Variants in MASP2 observed in about 807,000 individuals in gnomAD.
The protein encoded by MASP2 is MBL associated serine protease 2.
In MASP2, 49 loss-of-function variants were observed where a neutral mutation model predicts 57.1. The observed-to-expected ratio is 0.86, with a 90% CI of 0.68 to 1.09. MASP2 has a LOEUF of 1.09. MASP2 is among the 50% of genes least tolerant of loss of function. The pLI, the probability that MASP2 is intolerant of heterozygous loss-of-function variation, is 0.00. For synonymous variants in MASP2, 379 were observed against 340.8 expected (o/e 1.11, Z -1.24); for missense variants, 900 against 874.8 (o/e 1.03, Z -0.36).
chr1:11,031,307 A>G (rs1214677917), intron 8 of MASP2, among the ~76,000 whole-genome samples: 1 of 151,838 alleles, frequency 6.6e-6, no homozygotes, highest in Non-Finnish European at 1.5e-5. Context: ...GCAGATCACA[A>G]GGTCAGGAGA....
chr1:11,033,965 A>T (rs12072841), intron 8 of MASP2, among the ~76,000 whole-genome samples: 1,533 of 15,330 alleles, frequency 0.1, 12 homozygotes, highest in African/African-American at 0.16. Flanking sequence ...ACACACACAC[A>T]CTCTCTCTCT....
At chr1:11,045,256 G>A (rs1040277486) in intron 4 of MASP2, 152 bp downstream of exon 4, 2 of 1,138,542 alleles carry the variant, frequency 1.8e-6, no homozygotes, top group African/African-American at 3.0e-5. Flanking sequence ...GGGGAAGCAG[G>A]GCTGAGAAGG....
rs116311214 is a variant in MASP2 at position 11,026,696 on chromosome 1, C to T, written c.*189G>A. ...TCTCGTGGTTTATGTCCCCTTGAGT[C>T]AATGGGTAAGGCTGGAATTAAACTG... On this transcript the variant is annotated 3_prime_UTR_variant, in exon 11 of 11. Transcript: ENST00000400897. 1,000 of 434,614 alleles carry T rather than the reference C, an allele frequency of 2.3e-3. 12 individuals carry two copies. Among genetic ancestry groups the T allele is most frequent in the African/African-American group, 0.018 (897 of 48,888 alleles). The allele number at this position is 434,614 out of a possible 1,614,324, so 26.9% of individuals were successfully genotyped here. A position where few individuals can be genotyped will look rare whatever the true frequency, so the allele number is the denominator to read the frequency against.
In MASP2 at chr1:11,030,537, T is replaced by G. The variant is rs573639567; in HGVS notation, c.1222+211A>C. On this transcript the variant is annotated intron_variant, in intron 9 of 10. Transcript: ENST00000400897. ...AAACCATTTGGAATACATTGTGTGTTTGTAGTAGTCATTTACTAGATCTGT... is the reference window on the plus strand; with the variant it reads ...AAACCATTTGGAATACATTGTGTGTGTGTAGTAGTCATTTACTAGATCTGT... 151 of 585,728 alleles carry G rather than the reference T, an allele frequency of 2.6e-4. 2 individuals carry two copies. In the South Asian group the frequency reaches 3.2e-3, roughly 13 times the overall value. The allele number at this position is 585,728 out of a possible 1,614,324, so 36.3% of individuals were successfully genotyped here.
At chr1:11,029,962 C>T (rs1643814302) in intron 10 of MASP2, 1 of 461,564 alleles carries the variant, frequency 2.2e-6, no homozygotes, top group Non-Finnish European at 3.8e-6. Flanking sequence ...GTTATAAGGT[C>T]AAAGAGAATC....
At chr1:11,039,330 G>GTGGA (rs57562185) in intron 6 of MASP2, among the ~76,000 whole-genome samples, 683 of 147,004 alleles carry the variant, frequency 4.6e-3, no homozygotes, top group Non-Finnish European at 6.6e-3. Context: ...TGGAAGGATG[G>GTGGA]TGGATGGATG....
chr1:11,029,247 G>A (rs938832425), intron 10 of MASP2, among the ~76,000 whole-genome samples: 6 of 150,954 alleles, frequency 4.0e-5, no homozygotes. Context: ...TGATCTTTCC[G>A]CCTTGGCCTC....
At chr1:11,031,105 G>A (rs1190458515) in intron 8 of MASP2, among the ~76,000 whole-genome samples, 1 of 151,968 alleles carries the variant, frequency 6.6e-6, no homozygotes, top group African/African-American at 2.4e-5. Context: ...AGGCTGAGGT[G>A]GGAGGTAACT....
intron 3 of MASP2, 128 bp from the exon 4 acceptor site, chr1:11,045,667 G>T (rs754203773): frequency 2.8e-6 from 3 of 1,088,130 alleles, no homozygotes; most frequent in Non-Finnish European, 3.9e-6. Context: ...CTAGGGTGCG[G>T]GACTGGTGCC....
intron 7 of MASP2, among the ~76,000 whole-genome samples, chr1:11,035,131 G>A (rs190755882): frequency 5.9e-5 from 9 of 152,238 alleles, no homozygotes; most frequent in Non-Finnish European, 1.0e-4. Context: ...CCTAGGTTAC[G>A]TATTTCATCA....
intron 4 of MASP2, among the ~76,000 whole-genome samples, chr1:11,044,566 T>C (rs918717735): frequency 3.3e-5 from 5 of 151,888 alleles, no homozygotes; most frequent in African/African-American, 1.2e-4. Flanking sequence ...ATGGGGGTGG[T>C]TCAAGATTAC....
rs1643740166 is a variant in MASP2 at position 11,026,809 on chromosome 1, T to A, written c.*76A>T. 7.7e-7 allele frequency: 1 copy of A among 1,302,326 alleles called. No individual in the cohort carries two copies. The highest frequency in any genetic ancestry group is 1.5e-5 in the African/African-American group (1 of 65,916). The allele number at this position is 1,302,326 out of a possible 1,614,324, so 80.7% of individuals were successfully genotyped here. On this transcript the variant is annotated 3_prime_UTR_variant, in exon 11 of 11. Transcript: ENST00000400897. ...CCATGTCCACAGTAATGATGAATGCTTCTCGAGCCACGTCGCTGCCAAGGT... is the reference window on the plus strand; with the variant it reads ...CCATGTCCACAGTAATGATGAATGCATCTCGAGCCACGTCGCTGCCAAGGT...
At chr1:11,045,282 A>G in intron 4 of MASP2, 126 bp downstream of exon 4, 1 of 1,403,844 alleles carries the variant, frequency 7.1e-7, no homozygotes, top group Non-Finnish European at 1.0e-6. Context: ...TGGAGGCAGC[A>G]GGGCCTAGAA....
intron 6 of MASP2, among the ~76,000 whole-genome samples, chr1:11,041,658 G>A (rs1247457136): frequency 6.6e-6 from 1 of 150,810 alleles, no homozygotes; most frequent in Non-Finnish European, 1.5e-5. Flanking sequence ...TAGGTAGAAG[G>A]ATGAGTGAAT....
At chr1:11,036,016 G>GAA (rs1643883666) in intron 7 of MASP2, among the ~76,000 whole-genome samples, 1 of 152,108 alleles carries the variant, frequency 6.6e-6, no homozygotes, top group Non-Finnish European at 1.5e-5. Flanking sequence ...CTGGAGGAGG[G>GAA]CTACTAAGAG....
chr1:11,040,595 T>C (rs551949334), intron 6 of MASP2, among the ~76,000 whole-genome samples: 2 of 138,548 alleles, frequency 1.4e-5, no homozygotes, highest in African/African-American at 2.8e-5. Context: ...AATGGGTGAA[T>C]GGAAAGAGGG....
intron 8 of MASP2, among the ~76,000 whole-genome samples, chr1:11,031,714 A>AG (rs1424522681): frequency 6.6e-6 from 1 of 151,938 alleles, no homozygotes; most frequent in Non-Finnish European, 1.5e-5. Flanking sequence ...GGGTCACTTG[A>AG]GACCAGGAGT....
chr1:11,040,891 TAGA>T (rs2100895366), intron 6 of MASP2, among the ~76,000 whole-genome samples: 1 of 148,566 alleles, frequency 6.7e-6, no homozygotes, highest in East Asian at 2.0e-4. Context: ...GGTAGGTAGG[TAGA>T]AGAATGGGTG....
chr1:11,034,409 A>AAC (rs1643873699), intron 8 of MASP2, among the ~76,000 whole-genome samples: 1 of 151,114 alleles, frequency 6.6e-6, no homozygotes. Context: ...AAAAAAAAAA[A>AAC]CCAAGGATCC....
Sources: gnomAD v4.1 joint callset for allele counts (sites outside exome capture counted in the v4.1 genomes callset) on GRCh38, gnomAD v4.1.1 for gene constraint, MANE v1.5 for transcripts, NCBI Gene and HGNC (gene_info 2026-07-23, HGNC 2026-07-21) for gene names.